Variants in LRRTM4 observed in about 807,000 individuals in gnomAD.
The protein encoded by LRRTM4 is leucine rich repeat transmembrane neuronal 4.
In LRRTM4, 25 loss-of-function variants were observed where a neutral mutation model predicts 47.6. The ratio of observed to expected loss-of-function variants is 0.53; its 90% CI spans 0.38 to 0.73. LRRTM4 has a LOEUF of 0.73. Among genes scored for constraint, LRRTM4 ranks in the 30% least tolerant of loss-of-function variants. The probability of loss-of-function intolerance (pLI) is 0.00; values close to 1 mark genes in which losing one functional copy is unlikely to be tolerated. For missense variants in LRRTM4, 638 were observed against 713.4 expected, an observed-to-expected ratio of 0.89 and a Z score of 1.20; for synonymous variants, 311 against 269.5, an observed-to-expected ratio of 1.15 and a Z score of -1.51.
At position 76,811,891 on chromosome 2, in the gene LRRTM4, G is replaced by GAAAC. The variant is rs1670745301; in HGVS notation, c.1552-62976_1552-62975insGTTT. Among the ~76,000 whole-genome samples, 36 of 143,732 alleles carry GAAAC rather than the reference G, an allele frequency of 2.5e-4. No homozygotes were observed. In the South Asian group the frequency reaches 7.5e-3, roughly 30 times the overall value. 94.3% of individuals were successfully genotyped at this position (143,732 alleles called of 152,430 possible). A position where few individuals can be genotyped will look rare whatever the true frequency, so the allele number is the denominator to read the frequency against. On this transcript the variant is annotated intron_variant, in intron 3 of 3. Transcript: ENST00000409884. ...GAAGGATAGGAAAACATGTAAAACTGAATTTCTTTCCTAGATCTTACTCAT... is the reference window on the plus strand; with the variant it reads ...GAAGGATAGGAAAACATGTAAAACTGAAACAATTTCTTTCCTAGATCTTACTCAT...
chr2:77,302,460 A>G (rs1677156268), intron 3 of LRRTM4, among the ~76,000 whole-genome samples: 1 of 152,362 alleles, frequency 6.6e-6, no homozygotes, highest in South Asian at 2.1e-4. Flanking sequence ...ACTGGGATTC[A>G]AGAGTTCCTC....
At chr2:77,169,484 G>T (rs539655862) in intron 3 of LRRTM4, among the ~76,000 whole-genome samples, 2 of 152,192 alleles carry the variant, frequency 1.3e-5, no homozygotes, top group South Asian at 4.2e-4. Flanking sequence ...CATTGACATT[G>T]TGATGGTATG....
intron 3 of LRRTM4, among the ~76,000 whole-genome samples, chr2:76,774,102 T>C (rs966352653): frequency 1.8e-4 from 28 of 152,146 alleles, no homozygotes; most frequent in African/African-American, 6.3e-4. Flanking sequence ...AGCAAGAACA[T>C]AGTCAATATA....
At chr2:76,923,334 T>C (rs1674491601) in intron 3 of LRRTM4, among the ~76,000 whole-genome samples, 1 of 152,144 alleles carries the variant, frequency 6.6e-6, no homozygotes, top group East Asian at 1.9e-4. Flanking sequence ...GTTAAATTTG[T>C]AGAAAGTTTG....
intron 3 of LRRTM4, among the ~76,000 whole-genome samples, chr2:77,269,272 C>A (rs1676129954): frequency 6.6e-6 from 1 of 151,976 alleles, no homozygotes; most frequent in South Asian, 2.1e-4. Flanking sequence ...GATTAAATAT[C>A]TATTTCCCTA....
At chr2:77,412,948 A>T (rs1674498399) in intron 3 of LRRTM4, among the ~76,000 whole-genome samples, 1 of 152,146 alleles carries the variant, frequency 6.6e-6, no homozygotes, top group Non-Finnish European at 1.5e-5. Flanking sequence ...ATACTCTCTT[A>T]TCATTGTTCA....
intron 3 of LRRTM4, among the ~76,000 whole-genome samples, chr2:76,855,092 G>A (rs181777041): frequency 1.3e-5 from 2 of 152,232 alleles, no homozygotes; most frequent in Admixed American, 1.3e-4. Flanking sequence ...GGATATCTGC[G>A]AGCGGAGCAT....
At chr2:76,835,565 C>G (rs1337708337) in intron 3 of LRRTM4, among the ~76,000 whole-genome samples, 1 of 151,830 alleles carries the variant, frequency 6.6e-6, no homozygotes, top group African/African-American at 2.4e-5. Flanking sequence ...TCATTTGAAG[C>G]AAAATAAATG....
chr2:76,935,875 T>C (rs527356012), intron 3 of LRRTM4, among the ~76,000 whole-genome samples: 1 of 152,326 alleles, frequency 6.6e-6, no homozygotes, highest in Admixed American at 6.5e-5. Context: ...CTTCCAATAT[T>C]ATGTTGAATA....
At chr2:77,112,926 C>T (rs1038650246) in intron 3 of LRRTM4, among the ~76,000 whole-genome samples, 5 of 152,066 alleles carry the variant, frequency 3.3e-5, no homozygotes, top group Non-Finnish European at 5.9e-5. Flanking sequence ...AGCTAACATA[C>T]GAGGGAGAAT....
chr2:76,900,939 C>A (rs186729760), intron 3 of LRRTM4, among the ~76,000 whole-genome samples: 3 of 152,258 alleles, frequency 2.0e-5, no homozygotes, highest in African/African-American at 2.4e-5. Context: ...TACGCCAATG[C>A]ATGCATTTTC....
intron 3 of LRRTM4, among the ~76,000 whole-genome samples, chr2:77,189,945 G>C (rs1673621315): frequency 6.6e-6 from 1 of 151,994 alleles, no homozygotes; most frequent in Admixed American, 6.6e-5. Context: ...TGAATCAAGG[G>C]AGGCAACAAA....
At chr2:77,460,958 T>G (rs774563348) in intron 3 of LRRTM4, among the ~76,000 whole-genome samples, 3 of 152,050 alleles carry the variant, frequency 2.0e-5, no homozygotes, top group Non-Finnish European at 2.9e-5. Flanking sequence ...GCATTAGAAA[T>G]AAAATATAGA....
chr2:77,078,612 T>G (rs1365205006), intron 3 of LRRTM4, among the ~76,000 whole-genome samples: 1 of 152,186 alleles, frequency 6.6e-6, no homozygotes, highest in East Asian at 1.9e-4. Context: ...CAATTGCCAT[T>G]ATGTTGGGGA....
chr2:77,034,034 A>G (rs1678753779), intron 3 of LRRTM4, among the ~76,000 whole-genome samples: 1 of 151,768 alleles, frequency 6.6e-6, no homozygotes, highest in South Asian at 2.1e-4. Context: ...ATTGATAATT[A>G]AATACTGGAA....
At chr2:77,445,403 TAA>T (rs1480633427) in intron 3 of LRRTM4, among the ~76,000 whole-genome samples, 1 of 151,982 alleles carries the variant, frequency 6.6e-6, no homozygotes, top group Non-Finnish European at 1.5e-5. Context: ...GAAGCTGGAC[TAA>T]GTCTCTTCTA....
intron 3 of LRRTM4, among the ~76,000 whole-genome samples, chr2:77,258,785 CAAAT>C (rs1558657349): frequency 6.6e-6 from 1 of 151,668 alleles, no homozygotes; most frequent in Non-Finnish European, 1.5e-5. Flanking sequence ...TTCCGCAACT[CAAAT>C]AGAAATCTCA....
At chr2:76,985,061 G>A (rs942348774) in intron 3 of LRRTM4, among the ~76,000 whole-genome samples, 1 of 151,906 alleles carries the variant, frequency 6.6e-6, no homozygotes, top group African/African-American at 2.4e-5. Flanking sequence ...TTGTATGAGT[G>A]GGTCTTTCAA....
At chr2:77,264,927 G>A (rs1676012188) in intron 3 of LRRTM4, among the ~76,000 whole-genome samples, 1 of 152,060 alleles carries the variant, frequency 6.6e-6, no homozygotes, top group Non-Finnish European at 1.5e-5. Context: ...GTTTGTTTTA[G>A]TGGAGTGTTT....
Sources: allele counts gnomAD v4.1 joint callset (sites outside exome capture counted in the v4.1 genomes callset), GRCh38; gene constraint gnomAD v4.1.1; transcripts MANE v1.5; gene names NCBI Gene and HGNC (gene_info 2026-07-23, HGNC 2026-07-21).